The following MAP3K9 variants were observed in gnomAD, a reference collection of about 807,000 sequenced individuals.
MAP3K9 encodes mixed lineage kinase 1 (tyr and ser/thr specificity).
MAP3K9 carries 46 observed loss-of-function variants against 95.8 expected under a neutral mutation model. That is an observed-to-expected ratio of 0.48 (90% confidence interval 0.38 to 0.61). The LOEUF (loss-of-function observed/expected upper bound fraction) is 0.61, where lower values mean the gene tolerates loss of function less well. MAP3K9 is among the 20% of genes least tolerant of loss of function. MAP3K9 has a pLI of 0.00. For missense variants in MAP3K9, 1,296 were observed against 1,474.3 expected (o/e 0.88, Z 1.98); for synonymous variants, 533 against 593.8 (o/e 0.90, Z 1.49).
intron 2 of MAP3K9, among the ~76,000 whole-genome samples, chr14:70,798,896 G>A (rs531553009): frequency 6.6e-6 from 1 of 152,118 alleles, no homozygotes; most frequent in African/African-American, 2.4e-5. Context: ...GATTTTTTAC[G>A]TAACTTAAAT....
intron 3 of MAP3K9, among the ~76,000 whole-genome samples, chr14:70,759,118 T>C (rs1431640052): frequency 2.0e-5 from 3 of 152,164 alleles, no homozygotes; most frequent in African/African-American, 7.2e-5. Flanking sequence ...GGACTGATAA[T>C]AGACATGGAG....
intron 2 of MAP3K9, among the ~76,000 whole-genome samples, chr14:70,777,315 C>A (rs1185373685): frequency 6.6e-6 from 1 of 152,134 alleles, no homozygotes; most frequent in African/African-American, 2.4e-5. Flanking sequence ...CCCAGAGCAG[C>A]AGAAAGCACT....
intron 2 of MAP3K9, among the ~76,000 whole-genome samples, chr14:70,781,246 G>T (rs2054672009): frequency 6.6e-6 from 1 of 152,228 alleles, no homozygotes; most frequent in Non-Finnish European, 1.5e-5. Flanking sequence ...GAGCCACTAT[G>T]TAAGGCCAAG....
chr14:70,730,317 G>C lies in MAP3K9; in HGVS notation c.*63C>G. On this transcript the variant is annotated 3_prime_UTR_variant, in exon 12 of 12. Transcript: ENST00000554752. ...GGGGGTCCAACCCTGAGAAAGGGCT[G>C]TGCCCGCCAGCTCCCCTCATCTCCG... The C allele has an allele frequency of 6.4e-7, 1 of 1,552,236 alleles. No individual in the cohort carries two copies. Among genetic ancestry groups the C allele is most frequent in the South Asian group, 1.2e-5 (1 of 80,880 alleles).
chr14:70,778,171 C>T (rs2054624664), intron 2 of MAP3K9, among the ~76,000 whole-genome samples: 2 of 151,996 alleles, frequency 1.3e-5, no homozygotes, highest in South Asian at 4.1e-4. Context: ...GGTATAATCT[C>T]AGCTCACTGC....
chr14:70,729,161 T>C lies in MAP3K9; in HGVS notation c.*1219A>G, dbSNP rs919330957. 2 of 152,194 alleles carry C rather than the reference T, an allele frequency of 1.3e-5. No homozygotes were observed. Among genetic ancestry groups the C allele is most frequent in the Non-Finnish European group, 2.9e-5 (2 of 68,066 alleles). The allele number at this position is 152,194 out of a possible 1,614,324, so 9.4% of individuals were successfully genotyped here. ...TCAGTATGGGGGACCTCAAGGTTAT[T>C]GTACATCAGCGGCTCCCTGGGCACC... On this transcript the variant is annotated 3_prime_UTR_variant, in exon 12 of 12. Transcript: ENST00000554752.
chr14:70,801,493 C>T (rs2054929959), intron 1 of MAP3K9, among the ~76,000 whole-genome samples: 1 of 152,184 alleles, frequency 6.6e-6, no homozygotes, highest in African/African-American at 2.4e-5. Flanking sequence ...CTCAAGCAAT[C>T]CTCCAGCCTC....
intron 3 of MAP3K9, among the ~76,000 whole-genome samples, chr14:70,755,278 C>T (rs2054284408): frequency 6.6e-6 from 1 of 152,244 alleles, no homozygotes; most frequent in Non-Finnish European, 1.5e-5. Flanking sequence ...CTCCCTGAGA[C>T]ACCCTGCTGG....
At chr14:70,738,095 G>A in intron 8 of MAP3K9, 150 bp downstream of exon 8, 1 of 856,000 alleles carries the variant, frequency 1.2e-6, no homozygotes, top group Middle Eastern at 2.9e-4. Flanking sequence ...GAACTTGGAG[G>A]GTGAAAAACT....
chr14:70,770,526 T>A (rs1414626535), intron 2 of MAP3K9, among the ~76,000 whole-genome samples: 1 of 152,082 alleles, frequency 6.6e-6, no homozygotes, highest in Non-Finnish European at 1.5e-5. Context: ...ACCTTTAGCA[T>A]CGAGGGTTGG....
At chr14:70,760,681 G>GA (rs1354544700) in intron 3 of MAP3K9, among the ~76,000 whole-genome samples, 1 of 152,146 alleles carries the variant, frequency 6.6e-6, no homozygotes, top group Non-Finnish European at 1.5e-5. Context: ...AGCTCTCCGA[G>GA]AAGGACCGAG....
At chr14:70,746,024 G>A (rs148219171) in intron 5 of MAP3K9, among the ~76,000 whole-genome samples, 114 of 152,286 alleles carry the variant, frequency 7.5e-4, no homozygotes, top group African/African-American at 2.6e-3. Context: ...TTGTTTCTCT[G>A]TCCTATGACT....
At chr14:70,733,463 A>C in intron 10 of MAP3K9, 121 bp from the exon 11 acceptor site, 4 of 609,272 alleles carry the variant, frequency 6.6e-6, no homozygotes, top group Non-Finnish European at 1.2e-5. Flanking sequence ...ACAAAGGTTC[A>C]ATGGTGTGAT....
Position 70,734,375 on chromosome 14 carries a change from G to A in MAP3K9, c.2026+11C>T. ...GAGACAGCCAAGACTCTCAAGAGGA[G>A]CTATGCTTACCCATCTCCATAAGGC... is the stretch of plus-strand genomic sequence containing the variant. On this transcript the variant is annotated intron_variant, in intron 10 of 11. Coordinates refer to ENST00000554752, the MANE Select transcript of MAP3K9 (RefSeq NM_001284230.2). The A allele has an allele frequency of 6.3e-7, 1 of 1,587,334 alleles. No homozygotes were observed. The highest frequency in any genetic ancestry group is 8.7e-7 in the Non-Finnish European group (1 of 1,155,512).
intron 2 of MAP3K9, among the ~76,000 whole-genome samples, chr14:70,799,390 A>G (rs1374865408): frequency 6.6e-6 from 1 of 152,144 alleles, no homozygotes; most frequent in Non-Finnish European, 1.5e-5. Flanking sequence ...CCCAGGCTGG[A>G]GTGCAGAGGC....
chr14:70,809,344 T>G lies in MAP3K9; in HGVS notation c.-173A>C. On this transcript the variant is annotated 5_prime_UTR_variant, in exon 1 of 12. Transcript: ENST00000554752. ...CGGCTCGCCGGCGCTGTTACCGCGG[T>G]ACGAGAAGAGCGCCGAGCGCGAGCT... The G allele has an allele frequency of 8.3e-5, 64 of 768,600 alleles. No individual in the cohort carries two copies. Among genetic ancestry groups the G allele is most frequent in the South Asian group, 1.9e-4 (3 of 15,408 alleles). The allele number at this position is 768,600 out of a possible 1,614,324, so 47.6% of individuals were successfully genotyped here.
chr14:70,742,469 C>T lies in MAP3K9; in HGVS notation c.1449G>A (p.Glu483=), dbSNP rs2054085009. 18 of 1,614,138 alleles carry T rather than the reference C, an allele frequency of 1.1e-5. No homozygotes were observed. The highest frequency in any genetic ancestry group is 1.5e-5 in the Non-Finnish European group (18 of 1,180,054). ...AEREIDILER[E]LNIIIHQLCQ... ...ACAGCTGGTGGATGATGATGTTGAG[C>T]TCCCGTTCCAGGATGTCAATCTCCC... The change falls in exon 6 of 12, where the codon GAG becomes GAA. Residue 483 remains glutamate (E), a synonymous_variant. Transcript: ENST00000554752.
At chr14:70,732,125 G>A (rs1390934119) in intron 11 of MAP3K9, among the ~76,000 whole-genome samples, 1 of 152,198 alleles carries the variant, frequency 6.6e-6, no homozygotes, top group Non-Finnish European at 1.5e-5. Flanking sequence ...TCCCAGCTAT[G>A]TGGCAGAAAA....
chr14:70,779,864 A>C (rs1459783088), intron 2 of MAP3K9, among the ~76,000 whole-genome samples: 2 of 152,262 alleles, frequency 1.3e-5, no homozygotes, highest in Non-Finnish European at 2.9e-5. Context: ...AGTGCAATGC[A>C]CTTTGCAATG....
Sources: allele counts gnomAD v4.1 joint callset (sites outside exome capture counted in the v4.1 genomes callset), GRCh38; gene constraint gnomAD v4.1.1; transcripts MANE v1.5; gene names NCBI Gene and HGNC (gene_info 2026-07-23, HGNC 2026-07-21).